CEP135: variants seen among roughly 807,000 people sequenced by gnomAD.
CEP135 encodes the protein centrosomal protein of 135 kDa.
CEP135 carries 142 observed loss-of-function variants against 157.3 expected under a neutral mutation model. That is an observed-to-expected ratio of 0.90 (90% CI 0.79 to 1.04). The LOEUF is 1.04. Ranked by LOEUF, CEP135 falls within the 50% of genes least tolerant of loss-of-function variation. CEP135 has a pLI of 0.00. For synonymous variants in CEP135, 396 were observed against 439.8 expected, an observed-to-expected ratio of 0.90 and a Z score of 1.25; for missense variants, 1,317 against 1,309.2, an observed-to-expected ratio of 1.01 and a Z score of -0.09.
At chr4:55,951,136 A>G (rs1241741529) in intron 1 of CEP135, among the ~76,000 whole-genome samples, 1 of 152,192 alleles carries the variant, frequency 6.6e-6, no homozygotes, top group Non-Finnish European at 1.5e-5. Flanking sequence ...TAAATATATC[A>G]TACTTTACCC....
intron 19 of CEP135, among the ~76,000 whole-genome samples, chr4:56,011,191 C>T (rs1055371933): frequency 6.6e-6 from 1 of 152,120 alleles, no homozygotes; most frequent in African/African-American, 2.4e-5. Flanking sequence ...GCTGTGATCA[C>T]GCCATTGCAC....
intron 14 of CEP135, among the ~76,000 whole-genome samples, chr4:55,991,674 G>C (rs975417027): frequency 1.3e-5 from 2 of 151,812 alleles, no homozygotes; most frequent in African/African-American, 4.8e-5. Context: ...TTTCCTTCCT[G>C]TTTCATTGCT....
chr4:56,003,798 G>C (rs531884617), intron 17 of CEP135, among the ~76,000 whole-genome samples: 1 of 151,230 alleles, frequency 6.6e-6, no homozygotes, highest in African/African-American at 2.4e-5. Flanking sequence ...ATGGCTCATT[G>C]CAGCCTTGAC....
chr4:55,981,147 C>T (rs1729391092), intron 12 of CEP135, 80 bp from the exon 13 acceptor site: 1 of 1,369,184 alleles, frequency 7.3e-7, no homozygotes, highest in Non-Finnish European at 9.8e-7. Context: ...CCTTTTTTAA[C>T]TGGAAACATA....
chr4:56,019,502 G>A lies in CEP135; in HGVS notation c.3162G>A (p.Lys1054=). 1.9e-6 allele frequency: 3 copies of A among 1,613,934 alleles called. No homozygotes were observed. Among genetic ancestry groups the A allele is most frequent in the Non-Finnish European group, 2.5e-6 (3 of 1,179,968 alleles). ...ATTCTCACTTAACCTCCCACGAGAA[G>A]GATACAGAAATCCAGCTACTTAAGG... ...EFHSHLTSHE[K]DTEIQLLKEK... is the part of the protein sequence containing the mutation. Residue 1054 remains lysine, a synonymous_variant, in exon 23 of 26, where the codon AAG becomes AAA. Transcript: ENST00000257287.
At chr4:56,025,424 G>GA (rs1178022089) in intron 25 of CEP135, among the ~76,000 whole-genome samples, 7 of 152,130 alleles carry the variant, frequency 4.6e-5, no homozygotes, top group Non-Finnish European at 8.8e-5. Context: ...ACAAAGCATA[G>GA]AAACAGTAGT....
At chr4:56,010,757 ATTTTACTGTTTT>A (rs1475509298) in intron 19 of CEP135, among the ~76,000 whole-genome samples, 1 of 152,148 alleles carries the variant, frequency 6.6e-6, no homozygotes, top group Non-Finnish European at 1.5e-5. Context: ...AAAACCAGTG[ATTTTACTGTTTT>A]AAACATCTTA....
In CEP135 at chr4:55,957,277, C is replaced by G; in HGVS notation, c.527C>G (p.Pro176Arg). Residue 176 changes from proline (P) to arginine (R), a missense_variant, in exon 5 of 26, where the codon CCG becomes CGG. Pro to Arg is a moderately radical substitution (Grantham distance 103). Coordinates refer to ENST00000257287, the MANE Select transcript of CEP135 (RefSeq NM_025009.5). Reference protein sequence around the residue: ...FRRQRMQIDEPVPPSEVSSYP... With the variant: ...FRRQRMQIDERVPPSEVSSYP... ...CGCCAGCGTATGCAAATTGATGAAC[C>G]GGTTCCTCCCTCTGAAGTCAGTTCA... The G allele has an allele frequency of 1.2e-6, 2 of 1,614,030 alleles. No homozygotes were observed. Among genetic ancestry groups the G allele is most frequent in the South Asian group, 1.1e-5 (1 of 91,084 alleles).
chr4:55,974,993 G>T, intron 11 of CEP135, 24 bp downstream of exon 11: 3 of 1,472,638 alleles, frequency 2.0e-6, no homozygotes, highest in Non-Finnish European at 2.8e-6. Flanking sequence ...ATAAGAGTAG[G>T]CCAGAAAGTA....
In CEP135 at chr4:56,011,849, G is replaced by A. The variant is rs1302832769; in HGVS notation, c.2666G>A (p.Arg889His). ...GATAGATTTCAGATGCTTCATAACC[G>A]TGCTGAAGACTGGGAGGTCAAAGCC... ...LLDRFQMLHN[R>H]AEDWEVKAHQ... Residue 889 changes from arginine (R) to histidine (H), a missense_variant, in exon 21 of 26, where the codon CGT (arginine) becomes CAT (histidine). Transcript: ENST00000257287. 13 of 1,603,126 alleles carry A rather than the reference G, an allele frequency of 8.1e-6. No individual in the cohort carries two copies. Among genetic ancestry groups the A allele is most frequent in the Middle Eastern group, 1.7e-4 (1 of 6,012 alleles).
intron 15 of CEP135, among the ~76,000 whole-genome samples, chr4:55,995,288 C>T (rs904070595): frequency 6.6e-6 from 1 of 152,122 alleles, no homozygotes; most frequent in Admixed American, 6.5e-5. Flanking sequence ...ATATTTTAGA[C>T]TAAGCTTATC....
intron 4 of CEP135, among the ~76,000 whole-genome samples, chr4:55,955,463 T>G (rs1728476149): frequency 6.6e-6 from 1 of 151,850 alleles, no homozygotes; most frequent in Non-Finnish European, 1.5e-5. Context: ...TGAAGCCAGG[T>G]GGGGGAAGAC....
In CEP135 at chr4:55,965,437, G is replaced by A. The variant is rs1199454709; in HGVS notation, c.829-207G>A. 3 of 429,318 alleles carry A rather than the reference G, an allele frequency of 7.0e-6. No individual in the cohort carries two copies. In the East Asian group the frequency reaches 1.3e-4, roughly 19 times the overall value. 26.6% of individuals were successfully genotyped at this position (429,318 alleles called of 1,614,324 possible). On this transcript the variant is annotated intron_variant, in intron 7 of 25. Transcript: ENST00000257287. ...CAAATTTCTTGTCCTTTCTATGCTT[G>A]AAAATCAAAGTCAATGGATATGTAC...
chr4:55,999,222 T>G (rs1202533863), intron 15 of CEP135, 80 bp from the exon 16 acceptor site: 1 of 1,122,204 alleles, frequency 8.9e-7, no homozygotes, highest in Non-Finnish European at 1.3e-6. Flanking sequence ...CATCAAAATA[T>G]TTTTAAGAAA....
At chr4:56,011,713 G>A in intron 20 of CEP135, 87 bp from the exon 21 acceptor site, 1 of 1,119,118 alleles carries the variant, frequency 8.9e-7, no homozygotes, top group Non-Finnish European at 1.3e-6. Flanking sequence ...AGAACAGAAT[G>A]CTGTGTATGT....
rs562321965 is a variant in CEP135, at chr4:56,011,377, T to C, written c.2506-35T>C. 2.9e-5 allele frequency: 39 copies of C among 1,361,396 alleles called. No homozygotes were observed. The African/African-American group carries it at 5.1e-4, about 18-fold the overall frequency. 84.3% of individuals were successfully genotyped at this position (1,361,396 alleles called of 1,614,324 possible). A position where few individuals can be genotyped will look rare whatever the true frequency, so the allele number is the denominator to read the frequency against. On this transcript the variant is annotated intron_variant, in intron 19 of 25. Transcript: ENST00000257287. The stretch of plus-strand genomic sequence containing the variant: ...AAATAAAATTTATTTGGTGTTGTGT[T>C]CATTTTAGATTGTCTTTAATTTTCT...
At chr4:55,954,104 G>C in intron 3 of CEP135, 112 bp from the exon 4 acceptor site, 1 of 884,112 alleles carries the variant, frequency 1.1e-6, no homozygotes, top group Non-Finnish European at 1.7e-6. Flanking sequence ...GCATGCATAA[G>C]AAGCAGGTGG....
At chr4:56,024,233 T>G (rs1164963528) in intron 24 of CEP135, among the ~76,000 whole-genome samples, 2 of 149,678 alleles carry the variant, frequency 1.3e-5, no homozygotes, top group Non-Finnish European at 3.0e-5. Context: ...ATTAAAAGAA[T>G]ATGCACTATA....
chr4:55,957,289 C>G lies in CEP135; in HGVS notation c.539C>G (p.Ser180Cys), dbSNP rs1728539594. Residue 180 changes from serine to cysteine, a missense_variant, in exon 5 of 26, where the codon TCT becomes TGT. Transcript: ENST00000257287. ...RMQIDEPVPP[S>C]EVSSYPVPQP... is the part of the protein sequence containing the mutation. ...CAAATTGATGAACCGGTTCCTCCCT[C>G]TGAAGTCAGTTCATATCCAGTTCCT... is the stretch of plus-strand genomic sequence containing the variant. 4.3e-6 allele frequency: 7 copies of G among 1,614,136 alleles called. No individual in the cohort carries two copies. The highest frequency in any genetic ancestry group is 5.9e-6 in the Non-Finnish European group (7 of 1,179,986).
Sources: allele counts gnomAD v4.1 joint callset (sites outside exome capture counted in the v4.1 genomes callset), GRCh38; gene constraint gnomAD v4.1.1; transcripts MANE v1.5; gene names NCBI Gene and HGNC (gene_info 2026-07-23, HGNC 2026-07-21).